CALCOCO2: variants seen among roughly 807,000 people sequenced by gnomAD.
The protein encoded by CALCOCO2 is calcium-binding and coiled-coil domain-containing protein 2.
Under a neutral mutation model 62.5 loss-of-function variants are expected in CALCOCO2, and 42 were observed. The ratio of observed to expected loss-of-function variants is 0.67; its 90% CI spans 0.53 to 0.87. The LOEUF (loss-of-function observed/expected upper bound fraction) is 0.87. Among genes scored for constraint, CALCOCO2 ranks in the 40% least tolerant of loss-of-function variants. The pLI is 0.00. For synonymous variants in CALCOCO2, 167 were observed against 173.0 expected, an observed-to-expected ratio of 0.97 and a Z score of 0.27; for missense variants, 456 against 515.0, an observed-to-expected ratio of 0.89 and a Z score of 1.11.
intron 10 of CALCOCO2, among the ~76,000 whole-genome samples, chr17:48,857,974 C>CAATAA (rs2040245394): frequency 2.5e-5 from 1 of 40,206 alleles, no homozygotes; most frequent in Admixed American, 2.9e-4. Context: ...AAGACTACAT[C>CAATAA]AATAGAATAG....
intron 1 of CALCOCO2, 45 bp from the exon 2 acceptor site, chr17:48,841,653 A>G: frequency 1.5e-6 from 2 of 1,358,076 alleles, no homozygotes; most frequent in Non-Finnish European, 2.0e-6. Context: ...CCAACATTTC[A>G]GACAATGCTT....
At chr17:48,856,250 G>C in intron 10 of CALCOCO2, 63 bp downstream of exon 10, 1 of 859,674 alleles carries the variant, frequency 1.2e-6, no homozygotes, top group East Asian at 2.4e-5. Flanking sequence ...GGGTGGCCCA[G>C]AGATGTAGTG....
At position 48,845,223 on chromosome 17, in the gene CALCOCO2, T is replaced by C. The variant is rs191782817; in HGVS notation, c.181-2841T>C. 3.9e-5 allele frequency among the ~76,000 whole-genome samples: 6 copies of C among 152,186 alleles called. 1 individual carries two copies. The highest frequency in any genetic ancestry group is 1.4e-4 in the African/African-American group (6 of 41,532). On this transcript the variant is annotated intron_variant, in intron 2 of 12. Transcript: ENST00000258947. Reference sequence around the variant, plus strand: ...TTACCATACCCCAATAAAGAAATAATCGTTAATCTGAAGAAGGGCTTCTAA... The same window carrying C: ...TTACCATACCCCAATAAAGAAATAACCGTTAATCTGAAGAAGGGCTTCTAA...
intron 10 of CALCOCO2, 94 bp downstream of exon 10, chr17:48,856,281 G>T: frequency 1.5e-6 from 1 of 650,784 alleles, no homozygotes; most frequent in Non-Finnish European, 2.7e-6. Context: ...AAAGTTAAGG[G>T]CCCTTTCTGG....
chr17:48,832,622 C>G (rs1476196309), intron 1 of CALCOCO2, among the ~76,000 whole-genome samples: 1 of 152,180 alleles, frequency 6.6e-6, no homozygotes, highest in African/African-American at 2.4e-5. Flanking sequence ...CTTGGCCAAG[C>G]TCTCAGAGTG....
At chr17:48,859,067 A>G (rs1055988927) in intron 10 of CALCOCO2, among the ~76,000 whole-genome samples, 2 of 150,072 alleles carry the variant, frequency 1.3e-5, no homozygotes, top group African/African-American at 2.4e-5. Context: ...AAAAAAAAAA[A>G]AAAAAAGAAC....
Position 48,857,497 on chromosome 17 carries a change from C to CTTTT in CALCOCO2, c.1008+1330_1008+1333dup, listed in dbSNP as rs59318856. On this transcript the variant is annotated intron_variant, in intron 10 of 12. Coordinates refer to ENST00000258947, the MANE Select transcript of CALCOCO2 (RefSeq NM_005831.5). The stretch of plus-strand genomic sequence containing the variant: ...CAGGCGTGAGCCACTGCACCCGGCC[C>CTTTT]TTTTTTTTTTTTTTTTTTTTTTTGA... Among the ~76,000 whole-genome samples the CTTTT allele has an allele frequency of 4.3e-3, 164 of 38,440 alleles. 40 individuals are homozygous for CTTTT. The highest frequency in any genetic ancestry group is 0.039 in the South Asian group (30 of 776). 25.2% of individuals were successfully genotyped at this position (38,440 alleles called of 152,430 possible). A position where few individuals can be genotyped will look rare whatever the true frequency, so the allele number is the denominator to read the frequency against.
chr17:48,856,592 G>A (rs2040217960), intron 10 of CALCOCO2: 1 of 456,308 alleles, frequency 2.2e-6, no homozygotes, highest in Non-Finnish European at 4.4e-6. Flanking sequence ...CAGAAGTGGT[G>A]GTCTGTACCA....
chr17:48,839,645 G>A (rs548982680), intron 1 of CALCOCO2: 3 of 142,668 alleles, frequency 2.1e-5, no homozygotes, highest in South Asian at 2.3e-4. Flanking sequence ...CACAGTGCCC[G>A]GCCTTTTTTC....
intron 10 of CALCOCO2, 88 bp from the exon 11 acceptor site, chr17:48,860,226 A>T (rs1459853095): frequency 1.0e-6 from 1 of 964,620 alleles, no homozygotes; most frequent in Non-Finnish European, 1.6e-6. Flanking sequence ...CTAATTGAGA[A>T]CTACCTGGGA....
At chr17:48,840,325 T>C (rs116439846) in intron 1 of CALCOCO2, among the ~76,000 whole-genome samples, 3,422 of 152,002 alleles carry the variant, frequency 0.023, 50 homozygotes, top group Middle Eastern at 0.041. Flanking sequence ...GAGATGGGGT[T>C]TTGCCATGTT....
intron 10 of CALCOCO2, among the ~76,000 whole-genome samples, chr17:48,859,534 C>T (rs1285172219): frequency 6.6e-6 from 1 of 151,644 alleles, no homozygotes; most frequent in East Asian, 1.9e-4. Flanking sequence ...CCCATGAGTT[C>T]AAGGCTGCAG....
intron 10 of CALCOCO2, among the ~76,000 whole-genome samples, chr17:48,858,051 G>GA (rs1017571783): frequency 8.3e-6 from 1 of 120,870 alleles, no homozygotes; most frequent in African/African-American, 3.0e-5. Flanking sequence ...ATAGAAAATA[G>GA]AATAGAATAG....
At chr17:48,839,694 T>TTTTTTTTTTGAG (rs1480224062) in intron 1 of CALCOCO2, among the ~76,000 whole-genome samples, 1 of 137,064 alleles carries the variant, frequency 7.3e-6, no homozygotes, top group African/African-American at 2.7e-5. Flanking sequence ...TTTTTTTTTT[T>TTTTTTTTTTGAG]AAACGGAGTT....
intron 1 of CALCOCO2, among the ~76,000 whole-genome samples, chr17:48,838,721 A>G (rs2039932047): frequency 1.3e-5 from 2 of 151,516 alleles, no homozygotes; most frequent in African/African-American, 2.4e-5. Context: ...CTTAAAAAAT[A>G]TATATATATA....
chr17:48,861,923 C>A lies in CALCOCO2; in HGVS notation c.1145-353C>A, dbSNP rs374090118. Among the ~76,000 whole-genome samples the A allele has an allele frequency of 9.9e-5, 15 of 151,576 alleles. No homozygotes were observed. The South Asian group carries it at 2.5e-3, about 25-fold the overall frequency. On this transcript the variant is annotated intron_variant, in intron 11 of 12. Transcript: ENST00000258947. ...AATTAGCCAGGCATGGTGGTAGGCA[C>A]CTGTAATCCCAGCTACTCAGGAGGC...
chr17:48,856,635 C>G, intron 10 of CALCOCO2: 1 of 445,278 alleles, frequency 2.2e-6, no homozygotes, highest in Non-Finnish European at 4.5e-6. Context: ...CTAATAAATG[C>G]TGTGCATTCA....
chr17:48,860,534 A>G, intron 11 of CALCOCO2, 85 bp downstream of exon 11: 2 of 1,217,062 alleles, frequency 1.6e-6, no homozygotes, highest in South Asian at 1.3e-5. Flanking sequence ...GGTGCTAATT[A>G]AGACCAGTCT....
At chr17:48,845,720 C>A (rs1361635930) in intron 2 of CALCOCO2, among the ~76,000 whole-genome samples, 2 of 132,342 alleles carry the variant, frequency 1.5e-5, no homozygotes, top group Admixed American at 7.4e-5. Flanking sequence ...CAGAGCGAGA[C>A]TCCATCTCAA....
Sources: gnomAD v4.1 joint callset for allele counts (sites outside exome capture counted in the v4.1 genomes callset) on GRCh38, gnomAD v4.1.1 for gene constraint, MANE v1.5 for transcripts, NCBI Gene and HGNC (gene_info 2026-07-23, HGNC 2026-07-21) for gene names.